Variants in PVT1 observed in about 807,000 individuals in gnomAD.
The protein encoded by PVT1 is Pvt1 oncogene, also known as CXCR4/PVT1 fusion.
chr8:127,954,845 G>A (rs533115496), intron 3 of PVT1, among the ~76,000 whole-genome samples: 3 of 152,166 alleles, frequency 2.0e-5, no homozygotes, highest in South Asian at 2.1e-4. Context: ...ATGGGCCAGC[G>A]CTTTCTGTGT....
intron 4 of PVT1, among the ~76,000 whole-genome samples, chr8:128,066,903 C>T (rs1057500524): frequency 1.3e-5 from 2 of 152,196 alleles, no homozygotes; most frequent in East Asian, 1.9e-4. Context: ...CTAACACACC[C>T]TCCCTCAGGG....
chr8:127,888,363 T>G (rs117365854), intron 2 of PVT1, among the ~76,000 whole-genome samples: 2,515 of 152,296 alleles, frequency 0.017, 32 homozygotes, highest in Non-Finnish European at 0.026. Context: ...TGATTTCCAT[T>G]TTGGGAATGA....
At chr8:128,008,886 C>T (rs1476044655) in intron 4 of PVT1, 1 of 515,500 alleles carries the variant, frequency 1.9e-6, no homozygotes, top group Non-Finnish European at 4.1e-6. Flanking sequence ...GGCTTACATG[C>T]TTTTTTCATA....
intron 4 of PVT1, among the ~76,000 whole-genome samples, chr8:128,045,288 G>GA (rs1253481319): frequency 6.6e-6 from 1 of 151,502 alleles, no homozygotes. Flanking sequence ...TTCTCTCATT[G>GA]AAAAAAAATG....
intron 2 of PVT1, among the ~76,000 whole-genome samples, chr8:127,843,282 T>C (rs1023659866): frequency 6.6e-6 from 1 of 152,092 alleles, no homozygotes; most frequent in Non-Finnish European, 1.5e-5. Context: ...GAGGTGGAGG[T>C]TGCGGTGAGC....
At chr8:127,983,485 T>G (rs1240451169) in intron 3 of PVT1, among the ~76,000 whole-genome samples, 1 of 152,202 alleles carries the variant, frequency 6.6e-6, no homozygotes, top group Non-Finnish European at 1.5e-5. Flanking sequence ...TCCTTATTTA[T>G]TTTAATATAA....
intron 3 of PVT1, among the ~76,000 whole-genome samples, chr8:127,944,896 C>A (rs887803313): frequency 1.3e-5 from 2 of 152,206 alleles, no homozygotes; most frequent in Non-Finnish European, 2.9e-5. Context: ...CTTCCCTCCC[C>A]GTGCTCATGG....
intron 3 of PVT1, among the ~76,000 whole-genome samples, chr8:127,958,554 A>G (rs1040543056): frequency 1.3e-5 from 2 of 152,090 alleles, no homozygotes; most frequent in African/African-American, 4.8e-5. Flanking sequence ...TTTCTGTTTT[A>G]TTTGATCCCC....
intron 2 of PVT1, among the ~76,000 whole-genome samples, chr8:127,847,773 G>A (rs1406951024): frequency 1.3e-5 from 2 of 152,168 alleles, no homozygotes; most frequent in East Asian, 3.8e-4. Flanking sequence ...TAGAGGGGAT[G>A]TAAAAATGTG....
At position 128,033,416 on chromosome 8, in the gene PVT1, G is replaced by A. The variant is rs929102808; in HGVS notation, n.913-36744G>A. Among the ~76,000 whole-genome samples, 15 of 152,238 alleles carry A rather than the reference G, an allele frequency of 9.9e-5. No individual in the cohort carries two copies. The South Asian group carries it at 1.7e-3, about 17-fold the overall frequency. ...GCAGCCAGTTCTCCCTCACAGTGTT[G>A]CTTGGAAGGAAACTGGAAGGAAAAG... On this transcript the variant is annotated intron_variant and non_coding_transcript_variant, in intron 4 of 10. Transcript: ENST00000651587.
chr8:127,797,718 C>G (rs1483898656), intron 2 of PVT1, among the ~76,000 whole-genome samples: 1 of 152,200 alleles, frequency 6.6e-6, no homozygotes, highest in East Asian at 1.9e-4. Context: ...TCTTCACCTT[C>G]TACTCCCTAC....
intron 3 of PVT1, among the ~76,000 whole-genome samples, chr8:127,920,537 G>A (rs1816043909): frequency 6.6e-6 from 1 of 152,168 alleles, no homozygotes; most frequent in African/African-American, 2.4e-5. Flanking sequence ...TACGTTTAAA[G>A]GCTTAGAACA....
rs1459336948 is a variant in PVT1 at position 127,984,899 on chromosome 8, TTCTTTCTTTCTTTCTTTCTTTC to T, written n.783-4255_783-4234del. 5.8e-4 allele frequency among the ~76,000 whole-genome samples: 55 copies of T among 94,420 alleles called. 1 individual carries two copies. The highest frequency in any genetic ancestry group is 1.7e-3 in the African/African-American group (49 of 28,596). The allele number at this position is 94,420 out of a possible 152,430, so 61.9% of individuals were successfully genotyped here. A position where few individuals can be genotyped will look rare whatever the true frequency, so the allele number is the denominator to read the frequency against. ...TTTCTTTCTTTCTTTCTTTCTTTCT[TTCTTTCTTTCTTTCTTTCTTTC>T]TCTTTCTCTTTCTTTCTTTCTTTCC... On this transcript the variant is annotated intron_variant and non_coding_transcript_variant, in intron 3 of 10. Transcript: ENST00000651587.
intron 3 of PVT1, among the ~76,000 whole-genome samples, chr8:127,971,797 A>G (rs1280248305): frequency 6.6e-6 from 1 of 152,168 alleles, no homozygotes; most frequent in Non-Finnish European, 1.5e-5. Flanking sequence ...CATTCTTAGC[A>G]TATCTGTCAC....
chr8:128,055,442 C>T (rs985774643), intron 4 of PVT1, among the ~76,000 whole-genome samples: 3 of 152,154 alleles, frequency 2.0e-5, no homozygotes, highest in Admixed American at 6.5e-5. Flanking sequence ...CCAATAAACA[C>T]TAAACAAGAC....
intron 4 of PVT1, among the ~76,000 whole-genome samples, chr8:128,034,596 C>T (rs1363966545): frequency 1.3e-5 from 2 of 152,186 alleles, no homozygotes; most frequent in African/African-American, 4.8e-5. Flanking sequence ...AGCATGGAAG[C>T]TAAACATACA....
chr8:127,944,621 G>A (rs900673783), intron 3 of PVT1, among the ~76,000 whole-genome samples: 2 of 151,904 alleles, frequency 1.3e-5, no homozygotes, highest in Non-Finnish European at 2.9e-5. Flanking sequence ...GGGAAGGAGG[G>A]ATCCAAAGCA....
intron 1 of PVT1, among the ~76,000 whole-genome samples, chr8:127,795,128 C>G (rs772055463): frequency 6.6e-6 from 1 of 152,166 alleles, no homozygotes; most frequent in Non-Finnish European, 1.5e-5. Context: ...CATCACTCCC[C>G]GCTTCCTCTC....
chr8:127,902,340 A>G (rs1563634627), intron 3 of PVT1, among the ~76,000 whole-genome samples: 1 of 151,980 alleles, frequency 6.6e-6, no homozygotes, highest in Non-Finnish European at 1.5e-5. Flanking sequence ...CATTGTGTAT[A>G]CTTGGTTCCG....
Sources: gnomAD v4.1 joint callset for allele counts (sites outside exome capture counted in the v4.1 genomes callset) on GRCh38, gnomAD v4.1.1 for gene constraint, MANE v1.5 for transcripts, NCBI Gene and HGNC (gene_info 2026-07-23, HGNC 2026-07-21) for gene names.